The following GLDC variants were observed in gnomAD, a reference collection of about 807,000 sequenced individuals.
GLDC encodes the protein glycine dehydrogenase (decarboxylating), mitochondrial.
Under a neutral mutation model 121.3 loss-of-function variants are expected in GLDC, and 104 were observed. That is an observed-to-expected ratio of 0.86 (90% CI 0.73 to 1.01). The LOEUF (loss-of-function observed/expected upper bound fraction) is 1.01. Ranked by LOEUF, GLDC falls within the 50% of genes least tolerant of loss-of-function variation. GLDC has a pLI of 0.00. For missense variants in GLDC, 1,429 were observed against 1,306.6 expected (o/e 1.09, Z -1.44); for synonymous variants, 546 against 480.6 (o/e 1.14, Z -1.78).
At chr9:6,617,384 TC>T (rs1818986635) in intron 3 of GLDC, among the ~76,000 whole-genome samples, 1 of 152,198 alleles carries the variant, frequency 6.6e-6, no homozygotes, top group Admixed American at 6.5e-5. Flanking sequence ...TGGTGAATAT[TC>T]TTTATGGCCA....
chr9:6,602,984 T>C (rs1479652997), intron 7 of GLDC, among the ~76,000 whole-genome samples: 1 of 152,066 alleles, frequency 6.6e-6, no homozygotes, highest in Admixed American at 6.6e-5. Context: ...TCCCAGCACT[T>C]TGGGGGGCCA....
Position 6,625,733 on chromosome 9 carries a change from C to G in GLDC, c.335-5414G>C, listed in dbSNP as rs1819223120. ...GGTCTCTTTACTATGGTTTTATTTT[C>G]CACTCCTATGATAGTAGCCCTAGCT... On this transcript the variant is annotated intron_variant, in intron 2 of 24. Coordinates refer to ENST00000321612, the MANE Select transcript of GLDC (RefSeq NM_000170.3). Among the ~76,000 whole-genome samples the G allele has an allele frequency of 2.6e-5, 4 of 151,966 alleles. No individual in the cohort carries two copies. In the South Asian group the frequency reaches 8.3e-4, roughly 32 times the overall value.
At chr9:6,635,342 C>T (rs574608535) in intron 2 of GLDC, among the ~76,000 whole-genome samples, 1 of 152,280 alleles carries the variant, frequency 6.6e-6, no homozygotes, top group South Asian at 2.1e-4. Context: ...CCACTGATAA[C>T]AAAGGTGATA....
intron 2 of GLDC, among the ~76,000 whole-genome samples, chr9:6,629,009 A>C (rs577439754): frequency 3.4e-4 from 51 of 152,042 alleles, no homozygotes; most frequent in African/African-American, 1.2e-3. Flanking sequence ...CTTCCTAAGA[A>C]TCTGCAGGTA....
intron 22 of GLDC, among the ~76,000 whole-genome samples, chr9:6,539,458 G>A (rs527786969): frequency 3.3e-5 from 5 of 152,216 alleles, no homozygotes; most frequent in Middle Eastern, 3.4e-3. Context: ...CAGCCTGGGC[G>A]ACAAAGTGAG....
intron 22 of GLDC, among the ~76,000 whole-genome samples, chr9:6,538,022 A>G (rs1463287874): frequency 6.6e-6 from 1 of 152,220 alleles, no homozygotes; most frequent in African/African-American, 2.4e-5. Context: ...TTTTGTGATA[A>G]AACTTACAGT....
chr9:6,552,929 GC>G (rs113523393), intron 20 of GLDC, among the ~76,000 whole-genome samples: 1 of 150,942 alleles, frequency 6.6e-6, no homozygotes, highest in Non-Finnish European at 1.5e-5. Context: ...TTCTCCTCTG[GC>G]CCCCCCCAAG....
At chr9:6,639,616 A>G in intron 2 of GLDC, 1 of 692,336 alleles carries the variant, frequency 1.4e-6, no homozygotes. Context: ...ATCTAAACTG[A>G]GTCCAGCTGC....
At chr9:6,561,540 T>C (rs919540545) in intron 16 of GLDC, among the ~76,000 whole-genome samples, 2 of 152,080 alleles carry the variant, frequency 1.3e-5, no homozygotes, top group African/African-American at 4.8e-5. Context: ...TCCCAGCTAC[T>C]TGGGAGGCTG....
rs184164954 is a variant in GLDC, at chr9:6,605,228, C to T, written c.764G>A (p.Ser255Asn). ...CAACACTCCACTGACATCTTTTCCA[C>T]TGAAGTCCATTTCACAGGGTAACTT... ...ELKLPCEMDFSGKDVSGVLFQ... is the reference protein window; with the variant it reads ...ELKLPCEMDFNGKDVSGVLFQ... The change falls in exon 6 of 25, where the codon AGT becomes AAT. Residue 255 changes from serine (S) to asparagine (N), a missense_variant. Physicochemically the swap from Ser to Asn is conservative, Grantham distance 46. Transcript: ENST00000321612. The T allele has an allele frequency of 1.9e-6, 3 of 1,613,784 alleles. No homozygotes were observed. In the African/African-American group the frequency reaches 4.0e-5, roughly 22 times the overall value.
intron 15 of GLDC, among the ~76,000 whole-genome samples, chr9:6,585,240 G>A (rs906265034): frequency 2.0e-5 from 3 of 152,146 alleles, no homozygotes; most frequent in African/African-American, 7.2e-5. Flanking sequence ...ACAATTTACT[G>A]CAAGAGCTAA....
At chr9:6,550,948 G>A in intron 20 of GLDC, 34 bp from the exon 21 acceptor site, 1 of 1,365,662 alleles carries the variant, frequency 7.3e-7, no homozygotes, top group Non-Finnish European at 1.0e-6. Context: ...ATTAGCCATT[G>A]AACAGGCAAA....
chr9:6,596,416 T>C (rs565882683), intron 8 of GLDC, among the ~76,000 whole-genome samples: 1 of 151,886 alleles, frequency 6.6e-6, no homozygotes, highest in Non-Finnish European at 1.5e-5. Context: ...ACCAAGAAAA[T>C]GACAATTTCT....
chr9:6,604,627 A>T lies in GLDC; in HGVS notation c.1019T>A (p.Leu340Ter). The T allele has an allele frequency of 6.2e-7, 1 of 1,613,402 alleles. No individual in the cohort carries two copies. Among genetic ancestry groups the T allele is most frequent in the Non-Finnish European group, 8.5e-7 (1 of 1,179,982 alleles). The stretch of plus-strand genomic sequence containing the variant: ...CATTCTTCCAGGCATCATTCTCACC[A>T]AGCTTTCTCGGACAGCAAAAAATGC... ...HAAFFAVRES[L>*]VRMMPGRMVG... Residue 340 changes from leucine (L) to a stop codon, truncating the protein, a stop_gained, in exon 7 of 25, where the codon TTG (leucine) becomes TAG (stop). Coordinates refer to ENST00000321612, the MANE Select transcript of GLDC (RefSeq NM_000170.3). LOFTEE classifies it high-confidence loss of function.
intron 18 of GLDC, among the ~76,000 whole-genome samples, chr9:6,555,635 TA>T (rs908749953): frequency 1.3e-5 from 2 of 151,442 alleles, no homozygotes; most frequent in East Asian, 3.9e-4. Context: ...TAAAAAAATT[TA>T]AAAAAATTAG....
intron 12 of GLDC, 48 bp downstream of exon 12, chr9:6,589,147 G>C (rs1326037378): frequency 1.8e-6 from 2 of 1,126,636 alleles, no homozygotes; most frequent in Non-Finnish European, 2.7e-6. Flanking sequence ...TAACTCCCTA[G>C]CTGATTACCA....
In GLDC at chr9:6,534,692, G is replaced by T; in HGVS notation, c.2919+16C>A. 1 of 1,444,870 alleles carries T rather than the reference G, an allele frequency of 6.9e-7. No individual in the cohort carries two copies. Among genetic ancestry groups the T allele is most frequent in the Non-Finnish European group, 9.7e-7 (1 of 1,026,214 alleles). The allele number at this position is 1,444,870 out of a possible 1,614,324, so 89.5% of individuals were successfully genotyped here. ...CATGCCTTCCCAGCTGGCACATTCA[G>T]ATTCAGAGAACTTACGAGTGGGAAT... On this transcript the variant is annotated intron_variant, in intron 24 of 24. Coordinates refer to ENST00000321612, the MANE Select transcript of GLDC (RefSeq NM_000170.3).
intron 15 of GLDC, among the ~76,000 whole-genome samples, chr9:6,571,476 G>C (rs917990353): frequency 2.0e-5 from 3 of 152,118 alleles, no homozygotes; most frequent in African/African-American, 4.8e-5. Flanking sequence ...AATAAAATAA[G>C]GGTTCCTTGC....
chr9:6,618,723 G>C (rs1383387822), intron 3 of GLDC, among the ~76,000 whole-genome samples: 2 of 152,166 alleles, frequency 1.3e-5, no homozygotes, highest in Non-Finnish European at 2.9e-5. Flanking sequence ...TGTTCTATCA[G>C]TGAGGACCAG....
Sources: allele counts gnomAD v4.1 joint callset (sites outside exome capture counted in the v4.1 genomes callset), GRCh38; gene constraint gnomAD v4.1.1; transcripts MANE v1.5; gene names NCBI Gene and HGNC (gene_info 2026-07-23, HGNC 2026-07-21).